The following ITGA9 variants were observed in gnomAD, a reference collection of about 807,000 sequenced individuals.
ITGA9 encodes the protein integrin alpha-9.
In ITGA9, 56 loss-of-function variants were observed where a neutral mutation model predicts 127.8. The ratio of observed to expected loss-of-function variants is 0.44; its 90% CI spans 0.35 to 0.55. The LOEUF is 0.55. Among genes scored for constraint, ITGA9 ranks in the 20% least tolerant of loss-of-function variants. ITGA9 has a pLI of 0.00. For missense variants in ITGA9, 1,196 were observed against 1,347.1 expected, an observed-to-expected ratio of 0.89 and a Z score of 1.76; for synonymous variants, 508 against 514.5, an observed-to-expected ratio of 0.99 and a Z score of 0.17.
At chr3:37,478,788 A>T (rs576920753) in intron 3 of ITGA9, among the ~76,000 whole-genome samples, 2 of 152,336 alleles carry the variant, frequency 1.3e-5, no homozygotes, top group East Asian at 3.8e-4. Flanking sequence ...GTTTTCCTAC[A>T]TGAATCCTTC....
intron 26 of ITGA9, among the ~76,000 whole-genome samples, chr3:37,788,083 C>T (rs1170342835): frequency 6.6e-6 from 1 of 152,172 alleles, no homozygotes; most frequent in East Asian, 1.9e-4. Flanking sequence ...CATTCAAAGA[C>T]ATGCAAACAA....
chr3:37,649,862 T>C (rs2125645627), intron 16 of ITGA9, among the ~76,000 whole-genome samples: 1 of 152,306 alleles, frequency 6.6e-6, no homozygotes, highest in East Asian at 1.9e-4. Flanking sequence ...TCATACCAAG[T>C]ATCTTTTCCA....
intron 15 of ITGA9, among the ~76,000 whole-genome samples, chr3:37,591,972 G>T (rs1335422625): frequency 6.6e-6 from 1 of 152,196 alleles, no homozygotes; most frequent in East Asian, 1.9e-4. Flanking sequence ...CAAATATATA[G>T]AGTGGGTTTT....
At chr3:37,779,522 G>A (rs759612029) in intron 24 of ITGA9, among the ~76,000 whole-genome samples, 1 of 152,134 alleles carries the variant, frequency 6.6e-6, no homozygotes, top group East Asian at 1.9e-4. Flanking sequence ...CCACTACACA[G>A]GTGGAAGTCA....
chr3:37,671,772 T>A (rs1226566228), intron 17 of ITGA9, among the ~76,000 whole-genome samples: 1 of 152,140 alleles, frequency 6.6e-6, no homozygotes, highest in African/African-American at 2.4e-5. Context: ...ACCATATGGA[T>A]CTGTTTTGCC....
rs1408138519 is a variant in ITGA9 at position 37,512,008 on chromosome 3, CTTTTCTTTTCTTTTCTTTTCTTTCTTT to C, written c.898-1754_898-1728del. Among the ~76,000 whole-genome samples, 97 of 33,188 alleles carry C rather than the reference CTTTTCTTTTCTTTTCTTTTCTTTCTTT, an allele frequency of 2.9e-3. 5 individuals are homozygous for C. The highest frequency in any genetic ancestry group is 6.4e-3 in the African/African-American group (89 of 13,950). The allele number at this position is 33,188 out of a possible 152,430, so 21.8% of individuals were successfully genotyped here. A position where few individuals can be genotyped will look rare whatever the true frequency, so the allele number is the denominator to read the frequency against. On this transcript the variant is annotated intron_variant, in intron 8 of 27. Coordinates refer to ENST00000264741, the MANE Select transcript of ITGA9 (RefSeq NM_002207.3). ...CTTTTCTTTTCTTTTCTTTTCTTTT[CTTTTCTTTTCTTTTCTTTTCTTTCTTT>C]CTTTCTTTCTTTCTTTCTTTCTTTC...
intron 17 of ITGA9, among the ~76,000 whole-genome samples, chr3:37,667,478 C>A (rs1366684633): frequency 6.6e-6 from 1 of 152,198 alleles, no homozygotes. Context: ...ACAGCACGTC[C>A]ACAGGCAGAG....
At chr3:37,664,523 C>T (rs1274828737) in intron 17 of ITGA9, among the ~76,000 whole-genome samples, 2 of 150,090 alleles carry the variant, frequency 1.3e-5, no homozygotes, top group Admixed American at 1.3e-4. Flanking sequence ...CGGGCTCAAG[C>T]GATTCTCCTG....
At chr3:37,523,050 T>G (rs965221838) in intron 11 of ITGA9, among the ~76,000 whole-genome samples, 1 of 152,240 alleles carries the variant, frequency 6.6e-6, no homozygotes, top group African/African-American at 2.4e-5. Flanking sequence ...TAATTACCTG[T>G]CTGTCTAGGG....
intron 23 of ITGA9, among the ~76,000 whole-genome samples, chr3:37,754,882 A>G (rs770738061): frequency 9.2e-5 from 14 of 152,168 alleles, no homozygotes; most frequent in Non-Finnish European, 1.8e-4. Flanking sequence ...TCACATCCCT[A>G]TGAAGAAAAT....
intron 19 of ITGA9, among the ~76,000 whole-genome samples, chr3:37,736,208 C>A (rs1696359782): frequency 6.6e-6 from 1 of 152,162 alleles, no homozygotes; most frequent in Non-Finnish European, 1.5e-5. Flanking sequence ...GGGGGTTAGG[C>A]CTTCCACATA....
At chr3:37,564,649 AAAAATTGTGACACATCATC>A (rs1699527557) in intron 15 of ITGA9, among the ~76,000 whole-genome samples, 1 of 152,212 alleles carries the variant, frequency 6.6e-6, no homozygotes, top group Admixed American at 6.5e-5. Context: ...GTGTATTTTT[AAAAATTGTGACACATCATC>A]AAGATGGATA....
chr3:37,654,724 AG>A (rs1700461288), intron 17 of ITGA9, among the ~76,000 whole-genome samples: 1 of 152,164 alleles, frequency 6.6e-6, no homozygotes, highest in African/African-American at 2.4e-5. Context: ...TTTAAGTTCC[AG>A]GATACATGTG....
chr3:37,788,425 A>G (rs1697066923), intron 26 of ITGA9, among the ~76,000 whole-genome samples: 1 of 152,150 alleles, frequency 6.6e-6, no homozygotes, highest in Non-Finnish European at 1.5e-5. Flanking sequence ...GCAAAAAATA[A>G]TTCGTATTTG....
chr3:37,585,796 G>GCCCCC (rs3044748), intron 15 of ITGA9, among the ~76,000 whole-genome samples: 3 of 151,766 alleles, frequency 2.0e-5, no homozygotes, highest in Non-Finnish European at 4.4e-5. Flanking sequence ...GAAGAAGGGG[G>GCCCCC]CCCCCCCAAT....
At chr3:37,773,491 A>G (rs1197687202) in intron 23 of ITGA9, among the ~76,000 whole-genome samples, 2 of 152,246 alleles carry the variant, frequency 1.3e-5, no homozygotes, top group Admixed American at 6.5e-5. Context: ...CCCAATAAAC[A>G]TAAATATTTT....
Position 37,452,658 on chromosome 3 carries a change from C to T in ITGA9, c.185+99C>T, listed in dbSNP as rs111270886. 8,698 of 1,092,064 alleles carry T rather than the reference C, an allele frequency of 8.0e-3. 106 individuals carry two copies. Among genetic ancestry groups the T allele is most frequent in the African/African-American group, 0.048 (2,858 of 58,990 alleles). The allele number at this position is 1,092,064 out of a possible 1,614,324, so 67.6% of individuals were successfully genotyped here. On this transcript the variant is annotated intron_variant, in intron 1 of 27. Transcript: ENST00000264741. This position sits in a 1 kb window ranked among gnomAD's most constrained non-coding sequence, Gnocchi z 7.3. ...GCCTTTCCGGTCTCTTCCACGCCGC[C>T]GTCCCGAGGGGGCGATTTAAATGTC...
rs574162272 is a variant in ITGA9 at position 37,689,686 on chromosome 3, C to T, written c.2067+5671C>T. ...TTCACACTGGGTTCCATGTAAACGA[C>T]ACCTCCACAGAATATAATGTGAGTG... On this transcript the variant is annotated intron_variant, in intron 18 of 27. Transcript: ENST00000264741. 3.3e-5 allele frequency among the ~76,000 whole-genome samples: 5 copies of T among 152,362 alleles called. No homozygotes were observed. In the South Asian group the frequency reaches 6.2e-4, roughly 19 times the overall value.
At chr3:37,804,024 A>G in intron 27 of ITGA9, 82 bp downstream of exon 27, 1 of 1,598,046 alleles carries the variant, frequency 6.3e-7, no homozygotes. Flanking sequence ...AAGAAGGAGT[A>G]TCCTGTTAGA....
Sources: gnomAD v4.1 joint callset for allele counts (sites outside exome capture counted in the v4.1 genomes callset) on GRCh38, gnomAD v4.1.1 for gene constraint, Gnocchi (gnomAD v3.1) non-coding constraint, MANE v1.5 for transcripts, NCBI Gene and HGNC (gene_info 2026-07-23, HGNC 2026-07-21) for gene names.